The following CLDN10 variants were observed in gnomAD, a reference collection of about 807,000 sequenced individuals.
The protein encoded by CLDN10 is claudin 10.
A neutral mutation model predicts 22.9 loss-of-function variants in CLDN10; 15 were observed. The observed-to-expected ratio is 0.65, with a 90% CI of 0.44 to 1.01. The LOEUF (loss-of-function observed/expected upper bound fraction) is 1.01. Ranked by LOEUF, CLDN10 falls within the 50% of genes least tolerant of loss-of-function variation. CLDN10 has a pLI of 0.00. For missense variants in CLDN10, 247 were observed against 287.8 expected (o/e 0.86, Z 1.03); for synonymous variants, 114 against 111.4 (o/e 1.02, Z -0.15).
chr13:95,463,285 AATATATATATATAT>A (rs200962205), intron 1 of CLDN10, among the ~76,000 whole-genome samples: 5,721 of 40,048 alleles, frequency 0.14, 587 homozygotes, highest in East Asian at 0.49. Context: ...GCAAATGCTT[AATATATATATATAT>A]ATATATATAT....
intron 1 of CLDN10, among the ~76,000 whole-genome samples, chr13:95,441,130 T>C (rs900079633): frequency 3.3e-5 from 5 of 152,198 alleles, no homozygotes; most frequent in African/African-American, 9.7e-5. Flanking sequence ...AAATTGTTCA[T>C]TGAGTTAAAT....
At chr13:95,550,976 G>T (rs1164855284), upstream of CLDN10, among the ~76,000 whole-genome samples, 1 of 151,900 alleles carries the variant, frequency 6.6e-6, no homozygotes. Context: ...CCCAGCCAGG[G>T]AGATACTTCT....
intron 1 of CLDN10, among the ~76,000 whole-genome samples, chr13:95,464,486 T>A (rs1566283576): frequency 6.6e-6 from 1 of 152,342 alleles, no homozygotes; most frequent in East Asian, 1.9e-4. Context: ...CACACTTTCT[T>A]AATCCAGTCT....
chr13:95,551,361 T>C (rs532673679), upstream of CLDN10, among the ~76,000 whole-genome samples: 7 of 152,356 alleles, frequency 4.6e-5, no homozygotes, highest in South Asian at 2.1e-4. Flanking sequence ...GAGCATGGGC[T>C]AAACATTATC....
rs577191941 is a variant in CLDN10, at chr13:95,478,646, G to A, written c.214+44599G>A. 5.3e-5 allele frequency among the ~76,000 whole-genome samples: 8 copies of A among 152,288 alleles called. No homozygotes were observed. In the South Asian group the frequency reaches 1.0e-3, roughly 20 times the overall value. On this transcript the variant is annotated intron_variant, in intron 1 of 4. Transcript: ENST00000376873. Reference sequence around the variant, plus strand: ...ATCCCCATTTGGCTTCCTGGGCCACGTTCCTCAGCGCTTCGTTGGTTCTTA... The same window carrying A: ...ATCCCCATTTGGCTTCCTGGGCCACATTCCTCAGCGCTTCGTTGGTTCTTA...
At chr13:95,560,775 G>A (rs543974972) in intron 3 of CLDN10, 177 of 271,470 alleles carry the variant, frequency 6.5e-4, no homozygotes, top group Admixed American at 2.0e-3. Context: ...GGTGTCAGAC[G>A]GAGAGGAAAG....
chr13:95,528,221 G>T (rs998400622), intron 1 of CLDN10, among the ~76,000 whole-genome samples: 4 of 152,098 alleles, frequency 2.6e-5, no homozygotes, highest in Admixed American at 2.6e-4. Context: ...TGAATCATAG[G>T]GGTGGCTTCC....
chr13:95,474,574 C>A (rs870707), intron 1 of CLDN10, among the ~76,000 whole-genome samples: 17,646 of 152,198 alleles, frequency 0.12, 1,181 homozygotes, highest in South Asian at 0.25. Flanking sequence ...AAGATAAGAA[C>A]AGGTTAGCCA....
chr13:95,453,895 A>G (rs2042457474), intron 1 of CLDN10, among the ~76,000 whole-genome samples: 1 of 151,902 alleles, frequency 6.6e-6, no homozygotes, highest in African/African-American at 2.4e-5. Flanking sequence ...CGGGCGGATC[A>G]CCTGAGGTTG....
At chr13:95,473,664 G>A (rs1317195019) in intron 1 of CLDN10, among the ~76,000 whole-genome samples, 2 of 152,252 alleles carry the variant, frequency 1.3e-5, no homozygotes, top group Admixed American at 1.3e-4. Context: ...ACCGAGGGCT[G>A]AGGACCGGGT....
At chr13:95,513,615 A>G (rs562710911) in intron 1 of CLDN10, among the ~76,000 whole-genome samples, 1 of 151,044 alleles carries the variant, frequency 6.6e-6, no homozygotes, top group Non-Finnish European at 1.5e-5. Flanking sequence ...TTTTAAACTT[A>G]GAGAAACTGA....
At chr13:95,563,308 C>CT (rs1860791268) in intron 3 of CLDN10, among the ~76,000 whole-genome samples, 1 of 151,862 alleles carries the variant, frequency 6.6e-6, no homozygotes, top group South Asian at 2.1e-4. Flanking sequence ...ATTAAGATTG[C>CT]TTTTTAATTC....
intron 1 of CLDN10, among the ~76,000 whole-genome samples, chr13:95,535,158 T>A (rs2043386954): frequency 6.6e-6 from 1 of 152,088 alleles, no homozygotes; most frequent in African/African-American, 2.4e-5. Context: ...GGGCTGAAGA[T>A]CCTAGGATAC....
chr13:95,454,400 C>T (rs1211118100), intron 1 of CLDN10, among the ~76,000 whole-genome samples: 1 of 152,062 alleles, frequency 6.6e-6, no homozygotes, highest in Non-Finnish European at 1.5e-5. Context: ...TGCCCCACTG[C>T]ACTCCAGCCT....
At chr13:95,571,324 ATGTCT>A (rs1349779908) in intron 3 of CLDN10, among the ~76,000 whole-genome samples, 1 of 152,236 alleles carries the variant, frequency 6.6e-6, no homozygotes, top group African/African-American at 2.4e-5. Flanking sequence ...CCCCTCCCAA[ATGTCT>A]TTATTTTAGG....
At chr13:95,504,295 A>G (rs1286172530) in intron 1 of CLDN10, among the ~76,000 whole-genome samples, 1 of 152,244 alleles carries the variant, frequency 6.6e-6, no homozygotes, top group Non-Finnish European at 1.5e-5. Context: ...TACTTCTGCA[A>G]GAAACATTAA....
At chr13:95,550,965 G>C (rs538820269), upstream of CLDN10, among the ~76,000 whole-genome samples, 3 of 151,530 alleles carry the variant, frequency 2.0e-5, no homozygotes, top group African/African-American at 7.3e-5. Context: ...GAGCCACTGC[G>C]CCCAGCCAGG....
At chr13:95,518,865 A>G (rs2043197165) in intron 1 of CLDN10, among the ~76,000 whole-genome samples, 1 of 152,224 alleles carries the variant, frequency 6.6e-6, no homozygotes, top group Non-Finnish European at 1.5e-5. Context: ...AGGTAACTCA[A>G]TGATGTGATC....
At chr13:95,477,963 C>A (rs765604938) in intron 1 of CLDN10, among the ~76,000 whole-genome samples, 2 of 152,176 alleles carry the variant, frequency 1.3e-5, no homozygotes, top group African/African-American at 4.8e-5. Flanking sequence ...TTGCCTAAAA[C>A]AGTGGTTCTC....
Sources: gnomAD v4.1 joint callset for allele counts (sites outside exome capture counted in the v4.1 genomes callset) on GRCh38, gnomAD v4.1.1 for gene constraint, MANE v1.5 for transcripts, NCBI Gene and HGNC (gene_info 2026-07-23, HGNC 2026-07-21) for gene names.